UNC5C: variants seen among roughly 807,000 people sequenced by gnomAD.
The protein encoded by UNC5C is netrin receptor UNC5C.
In UNC5C, 47 loss-of-function variants were observed where a neutral mutation model predicts 99.8. The observed-to-expected ratio is 0.47, with a 90% confidence interval of 0.37 to 0.60. The LOEUF (loss-of-function observed/expected upper bound fraction) is 0.60, where lower values mean the gene tolerates loss of function less well. Among genes scored for constraint, UNC5C ranks in the 20% least tolerant of loss-of-function variants. The probability of loss-of-function intolerance (pLI) is 0.00; values close to 1 mark genes in which losing one functional copy is unlikely to be tolerated. For missense variants in UNC5C, 1,062 were observed against 1,165.9 expected (o/e 0.91, Z 1.30); for synonymous variants, 487 against 452.2 (o/e 1.08, Z -0.98).
Position 95,272,089 on chromosome 4 carries a change from G to A in UNC5C, c.594+6170C>T, listed in dbSNP as rs572614031. Among the ~76,000 whole-genome samples the A allele has an allele frequency of 6.6e-5, 10 of 152,216 alleles. 1 individual carries two copies. The South Asian group carries it at 1.5e-3, about 22-fold the overall frequency. On this transcript the variant is annotated intron_variant, in intron 4 of 15. Coordinates refer to ENST00000453304, the MANE Select transcript of UNC5C (RefSeq NM_003728.4). ...CTTTCCTTGAATTCTAAAGTCATCC[G>A]CAATCCCCAACAACCATCACCCTCT...
intron 12 of UNC5C, among the ~76,000 whole-genome samples, chr4:95,197,451 G>A (rs1184423044): frequency 5.3e-5 from 8 of 152,142 alleles, no homozygotes; most frequent in Admixed American, 2.6e-4. Context: ...GATGGAGGTG[G>A]TCAGGAATTG....
intron 14 of UNC5C, among the ~76,000 whole-genome samples, chr4:95,178,922 C>T (rs955432891): frequency 6.6e-6 from 1 of 152,222 alleles, no homozygotes; most frequent in South Asian, 2.1e-4. Context: ...TGGCTGACAA[C>T]AGCCTTGAAA....
At chr4:95,479,943 T>A (rs911668972) in intron 1 of UNC5C, among the ~76,000 whole-genome samples, 2 of 148,698 alleles carry the variant, frequency 1.3e-5, no homozygotes, top group East Asian at 3.9e-4. Context: ...ACAAAAAGGC[T>A]GAGTAACAGA....
chr4:95,463,098 G>A (rs955657150), intron 1 of UNC5C, among the ~76,000 whole-genome samples: 3 of 152,118 alleles, frequency 2.0e-5, no homozygotes, highest in African/African-American at 4.8e-5. Context: ...ACTAAACACC[G>A]GGCTTTCATG....
At chr4:95,520,286 A>C (rs1433541949) in intron 1 of UNC5C, among the ~76,000 whole-genome samples, 1 of 152,218 alleles carries the variant, frequency 6.6e-6, no homozygotes, top group Non-Finnish European at 1.5e-5. Flanking sequence ...TTAAAAGATA[A>C]GGATTATCTA....
chr4:95,409,114 A>G (rs542849923), intron 1 of UNC5C, among the ~76,000 whole-genome samples: 1 of 152,338 alleles, frequency 6.6e-6, no homozygotes, highest in South Asian at 2.1e-4. Flanking sequence ...TTATCCTCAC[A>G]TAGTTCAAAA....
intron 3 of UNC5C, among the ~76,000 whole-genome samples, chr4:95,285,993 A>C (rs1741222212): frequency 6.6e-6 from 1 of 152,138 alleles, no homozygotes; most frequent in Non-Finnish European, 1.5e-5. Flanking sequence ...CACATTGCTT[A>C]ACCTCTTCCT....
intron 1 of UNC5C, among the ~76,000 whole-genome samples, chr4:95,529,713 C>A (rs74543693): frequency 6.6e-6 from 1 of 151,530 alleles, no homozygotes; most frequent in Non-Finnish European, 1.5e-5. Context: ...AGTAACAGAG[C>A]GAGACCCTGT....
chr4:95,411,020 A>G (rs1189683381), intron 1 of UNC5C, among the ~76,000 whole-genome samples: 1 of 152,182 alleles, frequency 6.6e-6, no homozygotes, highest in African/African-American at 2.4e-5. Context: ...GCTTGGTTTA[A>G]TTGTCTCTAC....
intron 1 of UNC5C, among the ~76,000 whole-genome samples, chr4:95,336,432 A>G (rs1384656969): frequency 6.6e-6 from 1 of 151,920 alleles, no homozygotes; most frequent in Non-Finnish European, 1.5e-5. Context: ...ACGTAATTGA[A>G]AACTCTGATG....
chr4:95,243,041 A>C (rs1450611806), intron 6 of UNC5C, among the ~76,000 whole-genome samples: 10 of 152,208 alleles, frequency 6.6e-5, no homozygotes, highest in Non-Finnish European at 4.4e-5. Flanking sequence ...GGTGGAGAAG[A>C]AATCTATCCA....
intron 2 of UNC5C, 118 bp from the exon 3 acceptor site, chr4:95,301,867 G>GA: frequency 7.9e-7 from 1 of 1,263,634 alleles, no homozygotes; most frequent in African/African-American, 1.5e-5. Context: ...CAACAACCCA[G>GA]ATATTGTCTC....
chr4:95,170,331 T>A lies in UNC5C; in HGVS notation c.2453A>T (p.Glu818Val). The A allele has an allele frequency of 1.9e-6, 3 of 1,613,774 alleles. No individual in the cohort carries two copies. Among genetic ancestry groups the A allele is most frequent in the Non-Finnish European group, 2.5e-6 (3 of 1,179,728 alleles). ...IFQLNCTVSEEPTGIDLPLLD... is the reference protein window; with the variant it reads ...IFQLNCTVSEVPTGIDLPLLD... ...CAGCGGCAAATCGATGCCAGTAGGT[T>A]CCTGTAGTTCAGGGACAGGAACAAC... is the stretch of plus-strand genomic sequence containing the variant. The change falls in exon 15 of 16, where the codon GAA (glutamate) becomes GTA (valine). Residue 818 changes from glutamate to valine, a missense_variant and splice_region_variant. Glu to Val is a moderately radical substitution (Grantham distance 121, BLOSUM62 -2). This residue lies in a region of UNC5C where 810 missense variants were observed against 854.5 expected (regional missense o/e 0.95). Coordinates refer to ENST00000453304, the MANE Select transcript of UNC5C (RefSeq NM_003728.4).
intron 2 of UNC5C, among the ~76,000 whole-genome samples, chr4:95,324,280 G>C (rs1025519951): frequency 1.3e-5 from 2 of 152,022 alleles, no homozygotes; most frequent in African/African-American, 4.8e-5. Context: ...CACATGCAAG[G>C]GATATAGGTT....
intron 12 of UNC5C, among the ~76,000 whole-genome samples, chr4:95,198,298 C>T (rs1332584476): frequency 6.6e-6 from 1 of 152,104 alleles, no homozygotes; most frequent in Non-Finnish European, 1.5e-5. Flanking sequence ...GAGGGAGCCT[C>T]TCCTTAAGAA....
chr4:95,248,958 C>T (rs1424603851), intron 5 of UNC5C, among the ~76,000 whole-genome samples: 1 of 152,192 alleles, frequency 6.6e-6, no homozygotes, highest in Non-Finnish European at 1.5e-5. Flanking sequence ...ACTTCCAGGC[C>T]TGCAAGCTTC....
intron 1 of UNC5C, among the ~76,000 whole-genome samples, chr4:95,464,166 C>A (rs4529060): frequency 1.3e-5 from 2 of 151,966 alleles, no homozygotes; most frequent in African/African-American, 4.8e-5. Flanking sequence ...CCAATAAAAT[C>A]GATTTGGAAA....
At chr4:95,295,088 T>C (rs941104368) in intron 3 of UNC5C, among the ~76,000 whole-genome samples, 12 of 152,250 alleles carry the variant, frequency 7.9e-5, no homozygotes, top group South Asian at 2.1e-4. Context: ...TTGTCAACAA[T>C]GGTAACATCA....
chr4:95,331,278 A>G (rs75094867), intron 2 of UNC5C, among the ~76,000 whole-genome samples: 7,383 of 152,184 alleles, frequency 0.049, 587 homozygotes, highest in African/African-American at 0.17. Flanking sequence ...TATGAAAAAC[A>G]TATGAGTGCA....
Sources: gnomAD v4.1 joint callset for allele counts (sites outside exome capture counted in the v4.1 genomes callset) on GRCh38, gnomAD v4.1.1 for gene constraint, gnomAD v4.1.1 regional missense constraint, MANE v1.5 for transcripts, NCBI Gene and HGNC (gene_info 2026-07-23, HGNC 2026-07-21) for gene names.